P3H2: variants seen among roughly 807,000 people sequenced by gnomAD.
P3H2 encodes leprecan-like 1.
Under a neutral mutation model 87.0 loss-of-function variants are expected in P3H2, and 80 were observed. The ratio of observed to expected loss-of-function variants is 0.92; its 90% CI spans 0.77 to 1.11. P3H2 has a LOEUF of 1.11. Among genes scored for constraint, P3H2 ranks in the 50% least tolerant of loss-of-function variants. P3H2 has a pLI of 0.00. For missense variants in P3H2, 1,001 were observed against 923.9 expected, an observed-to-expected ratio of 1.08 and a Z score of -1.08; for synonymous variants, 367 against 359.3, an observed-to-expected ratio of 1.02 and a Z score of -0.24.
At chr3:190,058,997 A>C (rs1726253803) in intron 1 of P3H2, among the ~76,000 whole-genome samples, 1 of 152,160 alleles carries the variant, frequency 6.6e-6, no homozygotes. Flanking sequence ...TTGTACATTC[A>C]GTTGTTAAAT....
At chr3:190,087,543 CAAA>C (rs1275653964) in intron 1 of P3H2, among the ~76,000 whole-genome samples, 1 of 68,924 alleles carries the variant, frequency 1.5e-5, no homozygotes, top group Non-Finnish European at 2.8e-5. Flanking sequence ...GACTACATCT[CAAA>C]AAAAAAAAAA....
Position 189,957,437 on chromosome 3 carries a change from TTAATTGTGTGTGTGTG to T in P3H2, c.*459_*474del, listed in dbSNP as rs1722667619. 3.0e-6 allele frequency: 1 copy of T among 334,078 alleles called. No individual in the cohort carries two copies. The highest frequency in any genetic ancestry group is 5.1e-6 in the Non-Finnish European group (1 of 196,946). 20.7% of individuals were successfully genotyped at this position (334,078 alleles called of 1,614,324 possible). A position where few individuals can be genotyped will look rare whatever the true frequency, so the allele number is the denominator to read the frequency against. Reference sequence around the variant, plus strand: ...TCTAAGCTTTTGAATTTGCAGCAACTTAATTGTGTGTGTGTGTGTGTGTGTGTGTGTGTGTGTGTGT... The same window carrying T: ...TCTAAGCTTTTGAATTTGCAGCAACTTGTGTGTGTGTGTGTGTGTGTGTGT... On this transcript the variant is annotated 3_prime_UTR_variant, in exon 15 of 15. Coordinates refer to ENST00000319332, the MANE Select transcript of P3H2 (RefSeq NM_018192.4).
intron 1 of P3H2, among the ~76,000 whole-genome samples, chr3:190,113,945 A>T (rs145142495): frequency 0.14 from 20,417 of 148,828 alleles, 1,550 homozygotes; most frequent in Middle Eastern, 0.21. Context: ...CCGGGCGTGG[A>T]GGCGGGCGCC....
At chr3:189,994,424 T>A (rs1723981816) in intron 2 of P3H2, 141 bp from the exon 3 acceptor site, 4 of 676,446 alleles carry the variant, frequency 5.9e-6, no homozygotes, top group Non-Finnish European at 1.0e-5. Context: ...TGCGGAGGGA[T>A]AAAGAAGGGT....
intron 1 of P3H2, among the ~76,000 whole-genome samples, chr3:190,105,760 T>C (rs1444121066): frequency 3.3e-5 from 5 of 152,222 alleles, no homozygotes; most frequent in Non-Finnish European, 7.3e-5. Flanking sequence ...TATTTTAGCA[T>C]CTCAAGCTGG....
chr3:190,008,919 G>T (rs1166484525), intron 1 of P3H2, among the ~76,000 whole-genome samples: 3 of 152,106 alleles, frequency 2.0e-5, no homozygotes, highest in East Asian at 1.9e-4. Context: ...TTAAGTAAGG[G>T]CCCTTAAGAG....
chr3:190,081,023 C>T (rs867728862), intron 1 of P3H2, among the ~76,000 whole-genome samples: 21 of 152,328 alleles, frequency 1.4e-4, no homozygotes, highest in Middle Eastern at 3.4e-3. Flanking sequence ...ATATCTAACG[C>T]TTACAGATAC....
At chr3:190,043,367 G>A (rs913749721) in intron 1 of P3H2, among the ~76,000 whole-genome samples, 2 of 152,176 alleles carry the variant, frequency 1.3e-5, no homozygotes, top group African/African-American at 4.8e-5. Flanking sequence ...TGGAGATGAT[G>A]AGGCTGCAGA....
intron 14 of P3H2, among the ~76,000 whole-genome samples, chr3:189,961,270 C>T (rs1040574729): frequency 2.6e-5 from 4 of 152,034 alleles, no homozygotes; most frequent in Non-Finnish European, 4.4e-5. Context: ...CTTAACAAAT[C>T]GACACACATA....
chr3:189,991,285 A>T (rs1666436), intron 3 of P3H2, among the ~76,000 whole-genome samples: 113,665 of 152,164 alleles, frequency 0.75, 43,275 homozygotes, highest in East Asian at 0.92. Context: ...ATTTTGGGTA[A>T]CTGGGTGTGT....
Position 189,957,600 on chromosome 3 carries a change from G to A in P3H2, c.*312C>T, listed in dbSNP as rs893851578. ...AGCTCCCCGGGAGGCTTGAAGGATC[G>A]CCTGAGCCTAAGAGTTTGAGGCTCC... On this transcript the variant is annotated 3_prime_UTR_variant, in exon 15 of 15. Coordinates refer to ENST00000319332, the MANE Select transcript of P3H2 (RefSeq NM_018192.4). 1.9e-5 allele frequency: 8 copies of A among 425,142 alleles called. No homozygotes were observed. The highest frequency in any genetic ancestry group is 1.2e-4 in the Admixed American group (3 of 24,814). The allele number at this position is 425,142 out of a possible 1,614,324, so 26.3% of individuals were successfully genotyped here. A position where few individuals can be genotyped will look rare whatever the true frequency, so the allele number is the denominator to read the frequency against.
At chr3:190,021,874 A>G (rs907446075) in intron 1 of P3H2, among the ~76,000 whole-genome samples, 2 of 135,334 alleles carry the variant, frequency 1.5e-5, no homozygotes, top group African/African-American at 5.1e-5. Context: ...TCGTTAGACA[A>G]CTATGTACAA....
chr3:189,964,178 ATTAT>A, intron 13 of P3H2, 80 bp from the exon 14 acceptor site: 1 of 1,350,470 alleles, frequency 7.4e-7, no homozygotes, highest in Middle Eastern at 2.0e-4. Flanking sequence ...TGGCTATGAG[ATTAT>A]TTGAGTTAAG....
intron 1 of P3H2, among the ~76,000 whole-genome samples, chr3:190,108,152 AT>A (rs112941996): frequency 0.031 from 4,583 of 149,408 alleles, 238 homozygotes; most frequent in African/African-American, 0.11. Context: ...ACACACCATA[AT>A]TTTTTTTTTC....
intron 1 of P3H2, among the ~76,000 whole-genome samples, chr3:190,087,274 C>T (rs1375905533): frequency 2.0e-5 from 3 of 152,070 alleles, no homozygotes; most frequent in Admixed American, 6.6e-5. Context: ...CGGTGGCTCA[C>T]GCCTGTAATC....
At chr3:190,017,479 G>A (rs184168390) in intron 1 of P3H2, among the ~76,000 whole-genome samples, 4 of 152,312 alleles carry the variant, frequency 2.6e-5, no homozygotes, top group East Asian at 3.9e-4. Context: ...CAGTAACAGC[G>A]TGGTAAATAT....
rs1560365170 is a variant in P3H2 at position 190,019,785 on chromosome 3, A to ATATATATATAT, written c.481-24344_481-24343insATATATATATA. 3.1e-3 allele frequency among the ~76,000 whole-genome samples: 115 copies of ATATATATATAT among 37,352 alleles called. 8 individuals are homozygous for ATATATATATAT. The highest frequency in any genetic ancestry group is 7.4e-3 in the African/African-American group (111 of 15,046). 24.5% of individuals were successfully genotyped at this position (37,352 alleles called of 152,430 possible). ...ATGTGACATTACCTAGAAATTAAAA[A>ATATATATATAT]ATATATATATATATATATATATATA... is the stretch of plus-strand genomic sequence containing the variant. On this transcript the variant is annotated intron_variant, in intron 1 of 14. Coordinates refer to ENST00000319332, the MANE Select transcript of P3H2 (RefSeq NM_018192.4).
intron 1 of P3H2, among the ~76,000 whole-genome samples, chr3:190,096,634 G>C (rs1289297893): frequency 6.6e-6 from 1 of 152,168 alleles, no homozygotes; most frequent in Non-Finnish European, 1.5e-5. Flanking sequence ...GATGAAAAAA[G>C]CTTTTGGGCA....
intron 1 of P3H2, among the ~76,000 whole-genome samples, chr3:190,068,805 G>A (rs1057470766): frequency 4.0e-5 from 6 of 151,648 alleles, no homozygotes; most frequent in African/African-American, 9.7e-5. Flanking sequence ...TTTCTTCTTC[G>A]GCAATAATTT....
Sources: gnomAD v4.1 joint callset for allele counts (sites outside exome capture counted in the v4.1 genomes callset) on GRCh38, gnomAD v4.1.1 for gene constraint, MANE v1.5 for transcripts, NCBI Gene and HGNC (gene_info 2026-07-23, HGNC 2026-07-21) for gene names.